The following ATAD2 variants were observed in gnomAD, a reference collection of about 807,000 sequenced individuals.
ATAD2 encodes the protein ATPase family AAA domain containing 2.
Under a neutral mutation model 168.9 loss-of-function variants are expected in ATAD2, and 62 were observed. The ratio of observed to expected loss-of-function variants is 0.37; its 90% CI spans 0.30 to 0.45. The LOEUF is 0.45. Ranked by LOEUF, ATAD2 falls within the 20% of genes least tolerant of loss-of-function variation. ATAD2 has a pLI of 1.00. For missense variants in ATAD2, 1,419 were observed against 1,667.8 expected (o/e 0.85, Z 2.60); for synonymous variants, 613 against 571.6 (o/e 1.07, Z -1.03).
chr8:123,371,895 C>G, intron 3 of ATAD2, 60 bp from the exon 4 acceptor site: 1 of 1,355,228 alleles, frequency 7.4e-7, no homozygotes, highest in South Asian at 1.7e-5. Flanking sequence ...ATTTATAAAA[C>G]AATTCTAAAA....
chr8:123,356,518 C>A (rs760582333), intron 12 of ATAD2, 41 bp from the exon 13 acceptor site: 5 of 1,416,932 alleles, frequency 3.5e-6, no homozygotes, highest in African/African-American at 1.4e-5. Context: ...GCATAAACAG[C>A]CTCAAACACG....
intron 14 of ATAD2, 76 bp from the exon 15 acceptor site, chr8:123,348,349 A>T (rs1254197508): frequency 8.7e-7 from 1 of 1,155,298 alleles, no homozygotes; most frequent in Non-Finnish European, 1.2e-6. Context: ...TTTGATTAAA[A>T]TACTTTTGAT....
chr8:123,401,355 C>T (rs1812996465), upstream of ATAD2: 9 of 1,404,676 alleles, frequency 6.4e-6, no homozygotes, highest in East Asian at 1.4e-4. Context: ...ACCGCCTGGA[C>T]CTGCTCACCC....
At chr8:123,333,231 C>CAAAAAAAAAAAAAAAAAAAAAA (rs71310667) in intron 24 of ATAD2, among the ~76,000 whole-genome samples, 1 of 43,984 alleles carries the variant, frequency 2.3e-5, no homozygotes, top group African/African-American at 9.8e-5. Flanking sequence ...TCTAAAAATA[C>CAAAAAAAAAAAAAAAAAAAAAA]AAAAAAAAAA....
At position 123,407,393 on chromosome 8, in the gene ATAD2, T is replaced by C. The variant is rs574570254; in HGVS notation, c.-2281-6218A>G. Among the ~76,000 whole-genome samples the C allele has an allele frequency of 9.2e-5, 14 of 152,282 alleles. No homozygotes were observed. In the South Asian group the frequency reaches 2.9e-3, roughly 32 times the overall value. On this transcript the variant is annotated intron_variant, in intron 1 of 28. Coordinates refer to the ATAD2 transcript ENST00000521903. The stretch of plus-strand genomic sequence containing the variant: ...CTATCTTTTCTAATCTTAACTATTC[T>C]AGTTAGGAGTGACTTGATTTAGGAA...
chr8:123,377,105 A>AAAAAAAAAAAAAAAAC (rs1405598909), intron 2 of ATAD2, among the ~76,000 whole-genome samples: 1 of 142,674 alleles, frequency 7.0e-6, no homozygotes, highest in Non-Finnish European at 1.5e-5. Flanking sequence ...AAAAAAAAAA[A>AAAAAAAAAAAAAAAAC]AAAAAAAGAG....
intron 18 of ATAD2, among the ~76,000 whole-genome samples, 172 bp from the exon 19 acceptor site, chr8:123,345,241 T>C (rs935012895): frequency 1.3e-5 from 2 of 152,226 alleles, no homozygotes; most frequent in South Asian, 2.1e-4. Context: ...ATTAAAAGTT[T>C]CATTTTTTTG....
At chr8:123,322,087 A>C (rs1393226970) in intron 27 of ATAD2, among the ~76,000 whole-genome samples, 3 of 150,598 alleles carry the variant, frequency 2.0e-5, no homozygotes, top group Non-Finnish European at 4.4e-5. Flanking sequence ...TCCCAGGTTC[A>C]AGTGATTCTC....
intron 1 of ATAD2, among the ~76,000 whole-genome samples, chr8:123,409,115 G>A (rs577452847): frequency 3.3e-5 from 5 of 151,952 alleles, no homozygotes; most frequent in South Asian, 4.2e-4. Flanking sequence ...TATGAGCCAC[G>A]GCCCCGGCTG....
intron 8 of ATAD2, among the ~76,000 whole-genome samples, chr8:123,363,311 T>C (rs1198888104): frequency 1.3e-5 from 2 of 152,218 alleles, no homozygotes; most frequent in African/African-American, 4.8e-5. Context: ...ACTATGATTA[T>C]TCATATGTTT....
chr8:123,385,640 A>G (rs1438086352), intron 1 of ATAD2, among the ~76,000 whole-genome samples: 1 of 152,164 alleles, frequency 6.6e-6, no homozygotes, highest in Non-Finnish European at 1.5e-5. Context: ...AACAAAATAA[A>G]AATATGTAAG....
Position 123,372,399 on chromosome 8 carries a change from TGAGGA to T in ATAD2, c.370+233_370+237del, listed in dbSNP as rs768181982. On this transcript the variant is annotated intron_variant, in intron 3 of 27. Transcript: ENST00000287394. ...ACTGGTGGGGAGTAGTGTCAAAGAG[TGAGGA>T]GAGAAGCTAGAAGAGCCAGGAGGAA... 5.9e-5 allele frequency among the ~76,000 whole-genome samples: 9 copies of T among 151,714 alleles called. No individual in the cohort carries two copies. In the East Asian group the frequency reaches 1.7e-3, roughly 29 times the overall value.
At chr8:123,408,605 C>T (rs111629734) in intron 1 of ATAD2, among the ~76,000 whole-genome samples, 95 of 152,306 alleles carry the variant, frequency 6.2e-4, no homozygotes, top group African/African-American at 2.2e-3. Context: ...AACCCTCCGC[C>T]TCTGGGGTTC....
intron 1 of ATAD2, chr8:123,380,964 C>T: frequency 7.3e-6 from 2 of 275,374 alleles, no homozygotes; most frequent in East Asian, 8.5e-5. Context: ...TGAAGTTTTC[C>T]ACCACTGACG....
Position 123,349,292 on chromosome 8 carries a change from T to C in ATAD2, c.1799A>G (p.Asp600Gly), listed in dbSNP as rs762733250. The C allele has an allele frequency of 6.2e-7, 1 of 1,612,638 alleles. No individual in the cohort carries two copies. Among genetic ancestry groups the C allele is most frequent in the Non-Finnish European group, 8.5e-7 (1 of 1,179,662 alleles). Reference sequence around the variant, plus strand: ...GTGACATTAAATTCTTACCTCTTTATCAGGCAGGCTAAAGAGGAATTCTCT... The same window carrying C: ...GTGACATTAAATTCTTACCTCTTTACCAGGCAGGCTAAAGAGGAATTCTCT... ...FDREFLFSLP[D>G]KEARKEILKI... is the part of the protein sequence containing the mutation. The change falls in exon 14 of 28, where the codon GAT (aspartate) becomes GGT (glycine). Residue 600 changes from aspartate to glycine, a missense_variant. Physicochemically the swap from Asp to Gly is moderately conservative, Grantham distance 94. This residue lies in a region of ATAD2 where 545 missense variants were observed against 724.9 expected (regional missense o/e 0.75). Coordinates refer to ENST00000287394, the MANE Select transcript of ATAD2 (RefSeq NM_014109.4).
At chr8:123,357,485 G>GT (rs1828687372) in intron 12 of ATAD2, 77 bp downstream of exon 12, 17 of 1,294,268 alleles carry the variant, frequency 1.3e-5, no homozygotes, top group Middle Eastern at 1.9e-4. Flanking sequence ...CTGATTAAAT[G>GT]TAAGATTTAT....
At chr8:123,373,810 AAT>A (rs1488145496) in intron 2 of ATAD2, among the ~76,000 whole-genome samples, 9 of 151,182 alleles carry the variant, frequency 6.0e-5, no homozygotes, top group African/African-American at 2.2e-4. Flanking sequence ...AAAAAAAAAA[AAT>A]CTACTAAGCA....
intron 21 of ATAD2, among the ~76,000 whole-genome samples, chr8:123,337,314 G>A (rs149020214): frequency 0.012 from 1,809 of 151,648 alleles, 40 homozygotes; most frequent in African/African-American, 0.042. Flanking sequence ...AATGAGCCGA[G>A]ATCGCGCCAT....
intron 8 of ATAD2, among the ~76,000 whole-genome samples, chr8:123,361,902 A>G (rs1399184848): frequency 6.6e-6 from 1 of 152,210 alleles, no homozygotes; most frequent in Non-Finnish European, 1.5e-5. Context: ...AGGAGAAGGC[A>G]GGGTGACTTC....
Sources: allele counts gnomAD v4.1 joint callset (sites outside exome capture counted in the v4.1 genomes callset), GRCh38; gene constraint gnomAD v4.1.1; regional missense constraint gnomAD v4.1.1; transcripts MANE v1.5; gene names NCBI Gene and HGNC (gene_info 2026-07-23, HGNC 2026-07-21).